The following PCDHA8 variants were observed in gnomAD, a reference collection of about 807,000 sequenced individuals.
The protein encoded by PCDHA8 is protocadherin alpha 8.
Under a neutral mutation model 61.8 loss-of-function variants are expected in PCDHA8, and 53 were observed. The ratio of observed to expected loss-of-function variants is 0.86; its 90% confidence interval spans 0.69 to 1.08. The LOEUF (loss-of-function observed/expected upper bound fraction) is 1.08. PCDHA8 is among the 50% of genes least tolerant of loss of function. PCDHA8 has a pLI of 0.00. For synonymous variants in PCDHA8, 618 were observed against 556.6 expected, an observed-to-expected ratio of 1.11 and a Z score of -1.55; for missense variants, 1,293 against 1,245.0, an observed-to-expected ratio of 1.04 and a Z score of -0.58.
At chr5:140,965,609 G>T (rs568507618) in intron 1 of PCDHA8, among the ~76,000 whole-genome samples, 9 of 151,736 alleles carry the variant, frequency 5.9e-5, no homozygotes, top group Admixed American at 2.0e-4. Context: ...TGAAGACATT[G>T]TCATCCATTA....
chr5:140,941,286 CTCTT>C (rs5871754), intron 1 of PCDHA8, among the ~76,000 whole-genome samples: 36,780 of 106,460 alleles, frequency 0.35, 6,423 homozygotes, highest in East Asian at 0.56. Flanking sequence ...TCCTTCCTTT[CTCTT>C]TCTTTCTTTC....
intron 1 of PCDHA8, chr5:140,882,711 C>T (rs1554175311): frequency 6.2e-7 from 1 of 1,614,160 alleles, no homozygotes; most frequent in Non-Finnish European, 8.5e-7. Context: ...TCTAGACCTC[C>T]GGAAACTCGA....
chr5:140,897,923 G>A (rs371929339), intron 1 of PCDHA8, among the ~76,000 whole-genome samples: 11 of 152,078 alleles, frequency 7.2e-5, no homozygotes, highest in East Asian at 5.8e-4. Flanking sequence ...TTTGATTTGC[G>A]TTTCTCTGAT....
chr5:141,005,701 CAAAAAAAAAAAAA>C (rs59860837), intron 3 of PCDHA8, among the ~76,000 whole-genome samples: 12 of 7,786 alleles, frequency 1.5e-3, no homozygotes, highest in Non-Finnish European at 2.7e-3. Context: ...AACTCCGTCT[CAAAAAAAAAAAAA>C]AAAAAAAAAA....
intron 1 of PCDHA8, among the ~76,000 whole-genome samples, chr5:140,975,553 G>A (rs990389718): frequency 6.6e-6 from 1 of 152,226 alleles, no homozygotes; most frequent in Non-Finnish European, 1.5e-5. Flanking sequence ...TATTAGGAAG[G>A]AAAAGGAGAT....
intron 1 of PCDHA8, chr5:140,870,081 T>G (rs782572380): frequency 1.2e-6 from 2 of 1,613,698 alleles, no homozygotes. Context: ...ATAAGGGGAC[T>G]CCCCCAATGG....
In PCDHA8 at chr5:140,855,086, A is replaced by G. The variant is rs998686310; in HGVS notation, c.2394+11371A>G. ...CTTAAATACAGAAACCACCACTCTCAGCCTGTGCAGTAGCAATAATTAAGG... is the reference window on the plus strand; with the variant it reads ...CTTAAATACAGAAACCACCACTCTCGGCCTGTGCAGTAGCAATAATTAAGG... On this transcript the variant is annotated intron_variant, in intron 1 of 3. Transcript: ENST00000531613. Among the ~76,000 whole-genome samples the G allele has an allele frequency of 3.5e-4, 52 of 150,018 alleles. 3 individuals are homozygous for G. Among genetic ancestry groups the G allele is most frequent in the African/African-American group, 1.2e-3 (49 of 41,006 alleles).
chr5:140,926,180 C>A (rs1341994925), intron 1 of PCDHA8, among the ~76,000 whole-genome samples: 1 of 151,710 alleles, frequency 6.6e-6, no homozygotes, highest in Admixed American at 6.6e-5. Flanking sequence ...CGCGGAAAGC[C>A]CCCCGCAGCA....
intron 1 of PCDHA8, among the ~76,000 whole-genome samples, chr5:140,905,575 G>A (rs1233481804): frequency 6.6e-6 from 1 of 152,138 alleles, no homozygotes; most frequent in Non-Finnish European, 1.5e-5. Flanking sequence ...TGTGAAGAAT[G>A]ATAATGATAT....
At chr5:140,848,371 A>C in intron 1 of PCDHA8, 2 of 1,131,148 alleles carry the variant, frequency 1.8e-6, no homozygotes, top group South Asian at 3.0e-5. Context: ...AAAGAGGCTC[A>C]ATTCTTTTTC....
At chr5:140,953,126 C>T (rs1284922743) in intron 1 of PCDHA8, among the ~76,000 whole-genome samples, 2 of 152,096 alleles carry the variant, frequency 1.3e-5, no homozygotes, top group African/African-American at 2.4e-5. Flanking sequence ...AGATCTAAAC[C>T]GTATCACTGT....
chr5:140,941,304 CTTTT>C (rs2093021953), intron 1 of PCDHA8, among the ~76,000 whole-genome samples: 1 of 84,848 alleles, frequency 1.2e-5, no homozygotes, highest in African/African-American at 4.2e-5. Context: ...TTCTTTCTTT[CTTTT>C]TCTTCTTTCT....
chr5:140,925,330 A>G (rs1459062876), intron 1 of PCDHA8, among the ~76,000 whole-genome samples: 2 of 152,132 alleles, frequency 1.3e-5, no homozygotes, highest in African/African-American at 4.8e-5. Context: ...CCTGTATTAA[A>G]AGAAGGATTT....
chr5:140,923,209 G>C (rs1454479273), intron 1 of PCDHA8, among the ~76,000 whole-genome samples: 3 of 150,998 alleles, frequency 2.0e-5, no homozygotes, highest in Non-Finnish European at 4.4e-5. Flanking sequence ...GGAGGCTAAG[G>C]TGAAAGGATC....
intron 1 of PCDHA8, chr5:140,862,484 G>A (rs2047390468): frequency 2.6e-6 from 1 of 382,510 alleles, no homozygotes; most frequent in Non-Finnish European, 5.2e-6. Context: ...TCCATTGTTG[G>A]TAATCGCTCG....
At chr5:140,978,397 C>G (rs2096799745) in intron 1 of PCDHA8, among the ~76,000 whole-genome samples, 1 of 152,080 alleles carries the variant, frequency 6.6e-6, no homozygotes, top group Non-Finnish European at 1.5e-5. Flanking sequence ...CCCTAGTATC[C>G]CTCTTCAATC....
At chr5:140,914,817 C>T (rs2076857750) in intron 1 of PCDHA8, among the ~76,000 whole-genome samples, 1 of 152,040 alleles carries the variant, frequency 6.6e-6, no homozygotes, top group African/African-American at 2.4e-5. Flanking sequence ...ACTTAACAGA[C>T]TGCATAAACA....
chr5:140,954,411 G>A (rs246022), intron 1 of PCDHA8, among the ~76,000 whole-genome samples: 85,294 of 151,642 alleles, frequency 0.56, 24,563 homozygotes, highest in African/African-American at 0.69. Flanking sequence ...ACAGGGTAAA[G>A]GTGTTCCTTT....
chr5:140,957,581 C>T (rs1396438252), intron 1 of PCDHA8, among the ~76,000 whole-genome samples: 3 of 152,066 alleles, frequency 2.0e-5, no homozygotes, highest in South Asian at 2.1e-4. Flanking sequence ...GTACTTTTAA[C>T]AAAGCACTTC....
Sources: allele counts gnomAD v4.1 joint callset (sites outside exome capture counted in the v4.1 genomes callset), GRCh38; gene constraint gnomAD v4.1.1; transcripts MANE v1.5; gene names NCBI Gene and HGNC (gene_info 2026-07-23, HGNC 2026-07-21).